Variants in GNAQ observed in about 807,000 individuals in gnomAD.
GNAQ encodes the protein G protein subunit alpha q.
GNAQ carries 8 observed loss-of-function variants against 43.9 expected under a neutral mutation model. That is an observed-to-expected ratio of 0.18 (90% CI 0.11 to 0.33). The LOEUF is 0.33. Among genes scored for constraint, GNAQ ranks in the 10% least tolerant of loss-of-function variants. The pLI, the probability that GNAQ is intolerant of heterozygous loss-of-function variation, is 1.00. For missense variants in GNAQ, 158 were observed against 450.8 expected (o/e 0.35, Z 5.88); for synonymous variants, 155 against 170.7 (o/e 0.91, Z 0.71).
intron 5 of GNAQ, among the ~76,000 whole-genome samples, chr9:77,754,135 T>C (rs1825861463): frequency 6.6e-6 from 1 of 152,208 alleles, no homozygotes; most frequent in Non-Finnish European, 1.5e-5. Context: ...CTCTGCTGCT[T>C]CTGTTAGGCA....
At chr9:77,787,250 G>A (rs1029977086) in intron 5 of GNAQ, among the ~76,000 whole-genome samples, 9 of 152,146 alleles carry the variant, frequency 5.9e-5, no homozygotes, top group South Asian at 2.1e-4. Flanking sequence ...AGAACGGGGA[G>A]GGGAAAAAAC....
chr9:77,932,316 A>AT (rs1340161740), intron 1 of GNAQ, among the ~76,000 whole-genome samples: 1 of 152,228 alleles, frequency 6.6e-6, no homozygotes, highest in Non-Finnish European at 1.5e-5. Context: ...TTCTTCCAGT[A>AT]TCAAGGATGC....
chr9:77,773,253 T>A (rs1297124171), intron 5 of GNAQ, among the ~76,000 whole-genome samples: 1 of 152,238 alleles, frequency 6.6e-6, no homozygotes, highest in Non-Finnish European at 1.5e-5. Context: ...CTGTGAGGCA[T>A]AAATGTCAAA....
intron 1 of GNAQ, among the ~76,000 whole-genome samples, chr9:77,960,534 C>CTGTG (rs2118417183): frequency 6.6e-6 from 1 of 152,256 alleles, no homozygotes; most frequent in South Asian, 2.1e-4. Context: ...TGGTTGGTGG[C>CTGTG]TGTGTGCTCT....
intron 5 of GNAQ, among the ~76,000 whole-genome samples, chr9:77,765,962 TAAGTA>T (rs1372623990): frequency 3.9e-5 from 6 of 152,232 alleles, no homozygotes. Flanking sequence ...GACATTATGC[TAAGTA>T]AAATAAGCCA....
At chr9:77,917,899 T>C (rs567880269) in intron 2 of GNAQ, among the ~76,000 whole-genome samples, 4 of 152,188 alleles carry the variant, frequency 2.6e-5, no homozygotes, top group Non-Finnish European at 5.9e-5. Context: ...GAAGAATTCA[T>C]CTTTCTTTTG....
At chr9:77,775,045 T>C (rs1181296863) in intron 5 of GNAQ, among the ~76,000 whole-genome samples, 1 of 152,206 alleles carries the variant, frequency 6.6e-6, no homozygotes, top group Non-Finnish European at 1.5e-5. Flanking sequence ...GTACGTGCTG[T>C]TTTGAAATTA....
At chr9:77,923,248 G>A (rs1829024336) in intron 1 of GNAQ, among the ~76,000 whole-genome samples, 1 of 152,108 alleles carries the variant, frequency 6.6e-6, no homozygotes, top group Non-Finnish European at 1.5e-5. Flanking sequence ...GGTTGACTGA[G>A]TTATTCCAAG....
intron 2 of GNAQ, among the ~76,000 whole-genome samples, chr9:77,904,347 T>TTTTG (rs1828668580): frequency 1.3e-5 from 1 of 79,254 alleles, no homozygotes; most frequent in African/African-American, 4.2e-5. Context: ...TTTTTTTTTT[T>TTTTG]TGTGAGACAG....
intron 5 of GNAQ, among the ~76,000 whole-genome samples, chr9:77,794,244 A>G (rs1826622945): frequency 6.6e-6 from 1 of 152,204 alleles, no homozygotes; most frequent in African/African-American, 2.4e-5. Flanking sequence ...GTTAAAAAGT[A>G]TCAAATAGGC....
intron 2 of GNAQ, among the ~76,000 whole-genome samples, chr9:77,883,077 G>A (rs1033675167): frequency 5.3e-5 from 8 of 152,224 alleles, no homozygotes; most frequent in Admixed American, 5.2e-4. Flanking sequence ...CAAGAGAACA[G>A]ATGTGATTAG....
At chr9:77,746,746 TAA>T (rs1235342765) in intron 5 of GNAQ, among the ~76,000 whole-genome samples, 5 of 152,256 alleles carry the variant, frequency 3.3e-5, no homozygotes, top group African/African-American at 1.2e-4. Context: ...GTGGGAATGT[TAA>T]GACAGCATGA....
intron 5 of GNAQ, among the ~76,000 whole-genome samples, chr9:77,759,239 C>T (rs953945248): frequency 6.6e-6 from 1 of 152,072 alleles, no homozygotes; most frequent in Admixed American, 6.5e-5. Flanking sequence ...ATAATACTAC[C>T]CAATGCAAAA....
intron 1 of GNAQ, among the ~76,000 whole-genome samples, chr9:78,000,474 A>C (rs563585099): frequency 1.3e-5 from 2 of 152,344 alleles, no homozygotes; most frequent in East Asian, 3.9e-4. Context: ...TTCAAGTAAA[A>C]GTGGTTGCCC....
At position 77,716,699 on chromosome 9, in the gene GNAQ, G is replaced by T; in HGVS notation, c.*4624C>A. On this transcript the variant is annotated 3_prime_UTR_variant, in exon 7 of 7. Coordinates refer to ENST00000286548, the MANE Select transcript of GNAQ (RefSeq NM_002072.5). ...CTACCAAAAGCTTATATAAAAGTCA[G>T]AATTTCTTTATCCAAGATCTGATTT... is the stretch of plus-strand genomic sequence containing the variant. 4.3e-6 allele frequency: 1 copy of T among 232,884 alleles called. No homozygotes were observed. The highest frequency in any genetic ancestry group is 6.1e-5 in the East Asian group (1 of 16,498). The allele number at this position is 232,884 out of a possible 1,614,324, so 14.4% of individuals were successfully genotyped here. A position where few individuals can be genotyped will look rare whatever the true frequency, so the allele number is the denominator to read the frequency against.
intron 5 of GNAQ, among the ~76,000 whole-genome samples, chr9:77,739,104 C>G (rs1825613990): frequency 6.6e-6 from 1 of 152,128 alleles, no homozygotes; most frequent in Non-Finnish European, 1.5e-5. Flanking sequence ...GGTGAACAAA[C>G]TTATTCATCT....
intron 2 of GNAQ, among the ~76,000 whole-genome samples, chr9:77,906,682 T>C (rs1327450852): frequency 6.6e-6 from 1 of 152,240 alleles, no homozygotes; most frequent in South Asian, 2.1e-4. Context: ...TTATGGGAAA[T>C]GTAACCTGCT....
chr9:77,761,455 G>C (rs1488642393), intron 5 of GNAQ, among the ~76,000 whole-genome samples: 1 of 137,440 alleles, frequency 7.3e-6, no homozygotes, highest in Non-Finnish European at 1.6e-5. Flanking sequence ...AGGTTGGGGG[G>C]TCAGCCCCCC....
chr9:77,838,624 G>C (rs1827433467), intron 2 of GNAQ, among the ~76,000 whole-genome samples: 1 of 151,790 alleles, frequency 6.6e-6, no homozygotes. Context: ...CACCATGTTA[G>C]CTAGGCTGGT....
Sources: allele counts gnomAD v4.1 joint callset (sites outside exome capture counted in the v4.1 genomes callset), GRCh38; gene constraint gnomAD v4.1.1; transcripts MANE v1.5; gene names NCBI Gene and HGNC (gene_info 2026-07-23, HGNC 2026-07-21).